Variants in RANBP10 observed in about 807,000 individuals in gnomAD.
RANBP10 encodes the protein ran-binding protein 10.
Under a neutral mutation model 72.8 loss-of-function variants are expected in RANBP10, and 24 were observed. The ratio of observed to expected loss-of-function variants is 0.33; its 90% CI spans 0.24 to 0.46. The LOEUF is 0.46. Ranked by LOEUF, RANBP10 falls within the 20% of genes least tolerant of loss-of-function variation. The pLI, the probability that RANBP10 is intolerant of heterozygous loss-of-function variation, is 1.00. For synonymous variants in RANBP10, 310 were observed against 322.3 expected, an observed-to-expected ratio of 0.96 and a Z score of 0.41; for missense variants, 679 against 817.5, an observed-to-expected ratio of 0.83 and a Z score of 2.07.
intron 4 of RANBP10, 144 bp from the exon 5 acceptor site, chr16:67,738,179 C>A: frequency 2.1e-6 from 2 of 954,136 alleles, no homozygotes; most frequent in Non-Finnish European, 3.0e-6. Context: ...CCCTCCGTAG[C>A]CCAGGCTGGA....
chr16:67,749,175 G>T (rs1253012932), intron 3 of RANBP10, among the ~76,000 whole-genome samples: 1 of 152,190 alleles, frequency 6.6e-6, no homozygotes, highest in Admixed American at 6.5e-5. Flanking sequence ...TGACTGGAGA[G>T]GTGACACAGC....
chr16:67,786,763 C>G (rs539962711), intron 2 of RANBP10, among the ~76,000 whole-genome samples: 1 of 151,192 alleles, frequency 6.6e-6, no homozygotes, highest in South Asian at 2.1e-4. Context: ...CCTGTCTCTA[C>G]TAAAAATACA....
chr16:67,792,706 CTG>C (rs2055051086), intron 2 of RANBP10, among the ~76,000 whole-genome samples: 1 of 151,368 alleles, frequency 6.6e-6, no homozygotes, highest in Non-Finnish European at 1.5e-5. Flanking sequence ...TCGCTTAAAA[CTG>C]AGAGTCAGAG....
At chr16:67,787,064 C>G (rs566771451) in intron 2 of RANBP10, among the ~76,000 whole-genome samples, 1 of 151,922 alleles carries the variant, frequency 6.6e-6, no homozygotes, top group Admixed American at 6.6e-5. Flanking sequence ...CATGGTGAAA[C>G]CCTGTCTCTA....
intron 2 of RANBP10, among the ~76,000 whole-genome samples, chr16:67,795,915 ATTT>A (rs987432243): frequency 3.7e-5 from 5 of 134,220 alleles, no homozygotes; most frequent in Admixed American, 1.5e-4. Context: ...AAATATTTTG[ATTT>A]TTTTTTTTTT....
At chr16:67,747,817 C>CTTTTTTTT (rs1160482023) in intron 3 of RANBP10, among the ~76,000 whole-genome samples, 1 of 121,326 alleles carries the variant, frequency 8.2e-6, no homozygotes, top group Non-Finnish European at 1.8e-5. Context: ...ATTTTCTTTT[C>CTTTTTTTT]TTTTTTTTTT....
rs1212015648 is a variant in RANBP10 at position 67,730,453 on chromosome 16, C to T, written c.890-407G>A. 5.3e-5 allele frequency among the ~76,000 whole-genome samples: 8 copies of T among 152,156 alleles called. No individual in the cohort carries two copies. The highest frequency in any genetic ancestry group is 1.0e-4 in the Non-Finnish European group (7 of 68,010). Reference sequence around the variant, plus strand: ...TCAGACAGACTCCTCTCCTTCCAGGCCTCACAGGGGAATGGCAATGGAATC... The same window carrying T: ...TCAGACAGACTCCTCTCCTTCCAGGTCTCACAGGGGAATGGCAATGGAATC... On this transcript the variant is annotated intron_variant, in intron 7 of 13. Transcript: ENST00000317506. The surrounding 1 kb of genome is among the most constrained non-coding windows in gnomAD (Gnocchi z 4.3).
intron 2 of RANBP10, among the ~76,000 whole-genome samples, chr16:67,776,222 G>A (rs1430097567): frequency 1.3e-5 from 2 of 151,886 alleles, no homozygotes; most frequent in South Asian, 2.1e-4. Flanking sequence ...CACTTTGGGA[G>A]GCTGAGGTCG....
Position 67,772,089 on chromosome 16 carries a change from T to TAA in RANBP10, c.348-4_348-3insTT, listed in dbSNP as rs778477861. 13 of 1,232,722 alleles carry TAA rather than the reference T, an allele frequency of 1.1e-5. No individual in the cohort carries two copies. The East Asian group carries it at 1.7e-4, about 16-fold the overall frequency. 76.4% of individuals were successfully genotyped at this position (1,232,722 alleles called of 1,614,324 possible). On this transcript the variant is annotated splice_polypyrimidine_tract_variant and splice_region_variant and intron_variant, in intron 2 of 13. Coordinates refer to ENST00000317506, the MANE Select transcript of RANBP10 (RefSeq NM_020850.3). The stretch of plus-strand genomic sequence containing the variant: ...CCGAGAGTCCTATTCCCATGTAACT[T>TAA]CAAAAAAAAAAAAAAAAAAAACACA...
At position 67,729,872 on chromosome 16, in the gene RANBP10, T is replaced by A. The variant is rs966684001; in HGVS notation, c.999-44A>T. 1.2e-6 allele frequency: 2 copies of A among 1,613,334 alleles called. No homozygotes were observed. The highest frequency in any genetic ancestry group is 1.7e-6 in the Non-Finnish European group (2 of 1,179,854). On this transcript the variant is annotated intron_variant, in intron 8 of 13. Transcript: ENST00000317506. This position sits in a 1 kb window ranked among gnomAD's most constrained non-coding sequence, Gnocchi z 7.1. ...AATAATGCTCTGGTTGTGGTCCAGGTTGACGTTCCCACCACCAGCTGAGAG... is the reference window on the plus strand; with the variant it reads ...AATAATGCTCTGGTTGTGGTCCAGGATGACGTTCCCACCACCAGCTGAGAG...
intron 2 of RANBP10, among the ~76,000 whole-genome samples, chr16:67,800,642 C>T (rs2055219639): frequency 6.6e-6 from 1 of 152,130 alleles, no homozygotes; most frequent in Non-Finnish European, 1.5e-5. Context: ...TCTCCTCACC[C>T]CACCAGACCC....
intron 3 of RANBP10, among the ~76,000 whole-genome samples, chr16:67,765,458 G>A (rs1053742513): frequency 6.6e-6 from 1 of 151,994 alleles, no homozygotes; most frequent in Non-Finnish European, 1.5e-5. Context: ...CCCGGGAGGC[G>A]AAGGTTGCCG....
chr16:67,766,552 C>T (rs551849949), intron 3 of RANBP10, among the ~76,000 whole-genome samples: 6 of 152,178 alleles, frequency 3.9e-5, no homozygotes, highest in East Asian at 3.9e-4. Context: ...TGGTACCCCC[C>T]GCCCCCACAC....
intron 2 of RANBP10, among the ~76,000 whole-genome samples, chr16:67,800,486 G>A (rs1303718757): frequency 6.6e-6 from 1 of 152,164 alleles, no homozygotes; most frequent in African/African-American, 2.4e-5. Context: ...TCATCACTAA[G>A]AGCCAGGGAC....
chr16:67,795,914 GA>G (rs1224710914), intron 2 of RANBP10, among the ~76,000 whole-genome samples: 1 of 147,208 alleles, frequency 6.8e-6, no homozygotes, highest in African/African-American at 2.5e-5. Flanking sequence ...AAAATATTTT[GA>G]TTTTTTTTTT....
rs1254125867 is a variant in RANBP10 at position 67,730,850 on chromosome 16, C to T, written c.889+622G>A. On this transcript the variant is annotated intron_variant, in intron 7 of 13. Coordinates refer to ENST00000317506, the MANE Select transcript of RANBP10 (RefSeq NM_020850.3). The surrounding 1 kb of genome is among the most constrained non-coding windows in gnomAD (Gnocchi z 4.3). Reference sequence around the variant, plus strand: ...CACTTGCCCTCATTCTCCTTTTCTCCTTCTAGCTCCTCACTGGGCTCCTTT... The same window carrying T: ...CACTTGCCCTCATTCTCCTTTTCTCTTTCTAGCTCCTCACTGGGCTCCTTT... 6.6e-6 allele frequency among the ~76,000 whole-genome samples: 1 copy of T among 152,172 alleles called. No individual in the cohort carries two copies. Among genetic ancestry groups the T allele is most frequent in the African/African-American group, 2.4e-5 (1 of 41,444 alleles).
At position 67,729,416 on chromosome 16, in the gene RANBP10, G is replaced by A. The variant is rs1474368273; in HGVS notation, c.1216C>T (p.Pro406Ser). 1.2e-6 allele frequency: 2 copies of A among 1,613,792 alleles called. No individual in the cohort carries two copies. The highest frequency in any genetic ancestry group is 1.7e-6 in the Non-Finnish European group (2 of 1,180,008). Reference protein sequence around the residue: ...TKSKQNHSKYPAPSSSSSSSS... With the variant: ...TKSKQNHSKYSAPSSSSSSSS... ...GACGAGGATGAGGAGCTGGGTGCAG[G>A]GTATTTACTGTGGTTCTGTTTGCTC... The change falls in exon 10 of 14, where the codon CCT (proline) becomes TCT (serine). Residue 406 changes from proline to serine, a missense_variant. By Grantham distance (74) the Pro-to-Ser change is moderately conservative (BLOSUM62 -1). Transcript: ENST00000317506. This position sits in a 1 kb window ranked among gnomAD's most constrained non-coding sequence, Gnocchi z 7.1.
At chr16:67,766,243 A>C (rs2054499982) in intron 3 of RANBP10, among the ~76,000 whole-genome samples, 1 of 152,216 alleles carries the variant, frequency 6.6e-6, no homozygotes, top group Non-Finnish European at 1.5e-5. Flanking sequence ...ATGAATGATG[A>C]TGCTTTCGGT....
At chr16:67,755,540 C>T (rs1478591971) in intron 3 of RANBP10, among the ~76,000 whole-genome samples, 6 of 152,024 alleles carry the variant, frequency 3.9e-5, no homozygotes, top group Non-Finnish European at 7.4e-5. Flanking sequence ...AAAAATTAGC[C>T]GGGCATTGTG....
Sources: allele counts gnomAD v4.1 joint callset (sites outside exome capture counted in the v4.1 genomes callset), GRCh38; gene constraint gnomAD v4.1.1; non-coding constraint Gnocchi (gnomAD v3.1); transcripts MANE v1.5; gene names NCBI Gene and HGNC (gene_info 2026-07-23, HGNC 2026-07-21).